Variants in PLD5 observed in about 807,000 individuals in gnomAD.
The protein encoded by PLD5 is inactive phospholipase D5.
Under a neutral mutation model 61.1 loss-of-function variants are expected in PLD5, and 36 were observed. The ratio of observed to expected loss-of-function variants is 0.59; its 90% CI spans 0.45 to 0.78. The LOEUF is 0.78. PLD5 is among the 30% of genes least tolerant of loss of function. The probability of loss-of-function intolerance (pLI) is 0.00; values close to 1 mark genes in which losing one functional copy is unlikely to be tolerated. For synonymous variants in PLD5, 243 were observed against 242.8 expected (o/e 1.00, Z -0.01); for missense variants, 515 against 644.4 (o/e 0.80, Z 2.17).
intron 1 of PLD5, among the ~76,000 whole-genome samples, chr1:242,368,258 C>T (rs1049613809): frequency 6.6e-6 from 1 of 152,154 alleles, no homozygotes; most frequent in Non-Finnish European, 1.5e-5. Flanking sequence ...TAAAAGCCTT[C>T]TCCTTCATTC....
chr1:242,369,518 T>A (rs1307059792), intron 1 of PLD5, among the ~76,000 whole-genome samples: 1 of 152,210 alleles, frequency 6.6e-6, no homozygotes, highest in Admixed American at 6.5e-5. Flanking sequence ...TATGGAATAT[T>A]GTGAAGCCAC....
intron 2 of PLD5, among the ~76,000 whole-genome samples, chr1:242,316,483 CT>C (rs1480311386): frequency 6.6e-6 from 1 of 152,082 alleles, no homozygotes; most frequent in East Asian, 1.9e-4. Context: ...TTTTTGAAAC[CT>C]CTCTTCAACT....
intron 5 of PLD5, among the ~76,000 whole-genome samples, chr1:242,163,264 C>A (rs965633335): frequency 1.3e-5 from 2 of 151,818 alleles, no homozygotes; most frequent in Admixed American, 6.5e-5. Flanking sequence ...CTGCCTCAGC[C>A]TCCCGAGTAG....
At chr1:242,188,215 G>A (rs1165103708) in intron 5 of PLD5, among the ~76,000 whole-genome samples, 4 of 152,188 alleles carry the variant, frequency 2.6e-5, no homozygotes, top group African/African-American at 7.2e-5. Context: ...GAGGGCGGGA[G>A]AGAGAAGTTA....
intron 1 of PLD5, among the ~76,000 whole-genome samples, chr1:242,442,539 C>T (rs1034140956): frequency 7.2e-5 from 11 of 152,228 alleles, no homozygotes; most frequent in Middle Eastern, 3.4e-3. Context: ...GATCATGAGA[C>T]GCCACATGAT....
chr1:242,187,852 G>GTA (rs1668003497), intron 5 of PLD5, among the ~76,000 whole-genome samples: 1 of 152,178 alleles, frequency 6.6e-6, no homozygotes, highest in African/African-American at 2.4e-5. Flanking sequence ...CAGAAAATAG[G>GTA]TAGAAATGTT....
intron 5 of PLD5, among the ~76,000 whole-genome samples, chr1:242,151,818 T>C (rs1664949408): frequency 1.3e-5 from 2 of 152,082 alleles, no homozygotes; most frequent in African/African-American, 4.8e-5. Flanking sequence ...ATTCTGTTCT[T>C]GTATTTTTTT....
chr1:242,097,157 C>T (rs1660314986), intron 9 of PLD5, among the ~76,000 whole-genome samples: 1 of 152,146 alleles, frequency 6.6e-6, no homozygotes, highest in Admixed American at 6.5e-5. Context: ...CATTGTTGGA[C>T]ATTTGGGTTG....
At chr1:242,479,887 C>CAAA (rs200496068) in intron 1 of PLD5, among the ~76,000 whole-genome samples, 2 of 131,964 alleles carry the variant, frequency 1.5e-5, no homozygotes, top group African/African-American at 5.6e-5. Context: ...ACTAAAAATA[C>CAAA]AAAAAAAAAA....
At chr1:242,416,134 T>C (rs1572104225) in intron 1 of PLD5, among the ~76,000 whole-genome samples, 2 of 151,750 alleles carry the variant, frequency 1.3e-5, no homozygotes, top group South Asian at 4.2e-4. Context: ...CTTGGTGGGG[T>C]TGAGCAAAAA....
At chr1:242,316,924 G>A (rs7515811) in intron 2 of PLD5, among the ~76,000 whole-genome samples, 120,003 of 151,880 alleles carry the variant, frequency 0.79, 48,070 homozygotes, top group Middle Eastern at 0.86. Context: ...CTCCCTCTAT[G>A]ACCCTGTAAA....
In PLD5 at chr1:242,107,668, T is replaced by C. The variant is rs1248035652; in HGVS notation, c.1239+3A>G. 6.3e-7 allele frequency: 1 copy of C among 1,580,962 alleles called. No homozygotes were observed. Among genetic ancestry groups the C allele is most frequent in the South Asian group, 1.2e-5 (1 of 84,808 alleles). On this transcript the variant is annotated splice_donor_region_variant and intron_variant, in intron 8 of 9. Coordinates refer to ENST00000536534, the MANE Select transcript of PLD5 (RefSeq NM_001372062.1). Reference sequence around the variant, plus strand: ...TTAATAACACAGTCAACGTAATACTTACAACTTTCAAACTGCAGTTGGCTA... The same window carrying C: ...TTAATAACACAGTCAACGTAATACTCACAACTTTCAAACTGCAGTTGGCTA...
chr1:242,190,194 G>A lies in PLD5; in HGVS notation c.735+29794C>T, dbSNP rs866543144. Among the ~76,000 whole-genome samples the A allele has an allele frequency of 6.7e-5, 9 of 133,750 alleles. No individual in the cohort carries two copies. The Middle Eastern group carries it at 0.013, about 194-fold the overall frequency. The allele number at this position is 133,750 out of a possible 152,430, so 87.7% of individuals were successfully genotyped here. A position where few individuals can be genotyped will look rare whatever the true frequency, so the allele number is the denominator to read the frequency against. ...GGAGTCTCGCTCTGTCGCCCAGGCT[G>A]GAGTGCAGTGGCAGGATCTCTGCTC... On this transcript the variant is annotated intron_variant, in intron 5 of 9. Coordinates refer to ENST00000536534, the MANE Select transcript of PLD5 (RefSeq NM_001372062.1).
chr1:242,134,977 C>G (rs1177528290), intron 5 of PLD5, among the ~76,000 whole-genome samples: 1 of 152,196 alleles, frequency 6.6e-6, no homozygotes, highest in Non-Finnish European at 1.5e-5. Flanking sequence ...TTTTATGTGT[C>G]TTAGTGGATA....
intron 5 of PLD5, 144 bp from the exon 6 acceptor site, chr1:242,124,809 C>T (rs1662659613): frequency 3.0e-6 from 2 of 672,570 alleles, no homozygotes; most frequent in East Asian, 2.8e-5. Context: ...CATTATGGTA[C>T]ATAGAGGTGA....
intron 1 of PLD5, among the ~76,000 whole-genome samples, chr1:242,369,728 G>A (rs1315630559): frequency 1.3e-5 from 2 of 152,084 alleles, no homozygotes; most frequent in Non-Finnish European, 2.9e-5. Context: ...GTCTCTTATA[G>A]CAATGAGAAA....
chr1:242,396,673 C>CTTT (rs1202041198), intron 1 of PLD5, among the ~76,000 whole-genome samples: 3 of 129,542 alleles, frequency 2.3e-5, no homozygotes, highest in Non-Finnish European at 5.0e-5. Context: ...CTTTTCTTTT[C>CTTT]TTTTTTTTTT....
intron 1 of PLD5, among the ~76,000 whole-genome samples, chr1:242,497,043 T>C (rs1668393771): frequency 6.6e-6 from 1 of 151,966 alleles, no homozygotes; most frequent in Admixed American, 6.6e-5. Flanking sequence ...TTGGAAGGGG[T>C]CCCAGGAGAC....
At position 242,438,365 on chromosome 1, in the gene PLD5, G is replaced by C. The variant is rs187095003; in HGVS notation, c.189+85723C>G. On this transcript the variant is annotated intron_variant, in intron 1 of 9. Coordinates refer to ENST00000536534, the MANE Select transcript of PLD5 (RefSeq NM_001372062.1). Reference sequence around the variant, plus strand: ...TGCAACCTCTGCCTCCCGGGTTCAAGCAATTCTCCTGCCTCAGTCTCCCAA... The same window carrying C: ...TGCAACCTCTGCCTCCCGGGTTCAACCAATTCTCCTGCCTCAGTCTCCCAA... Among the ~76,000 whole-genome samples, 687 of 151,048 alleles carry C rather than the reference G, an allele frequency of 4.5e-3. 9 individuals carry two copies. Among genetic ancestry groups the C allele is most frequent in the African/African-American group, 0.016 (647 of 41,196 alleles).
Sources: allele counts gnomAD v4.1 joint callset (sites outside exome capture counted in the v4.1 genomes callset), GRCh38; gene constraint gnomAD v4.1.1; transcripts MANE v1.5; gene names NCBI Gene and HGNC (gene_info 2026-07-23, HGNC 2026-07-21).